Variants in EMC3 observed in about 807,000 individuals in gnomAD.
EMC3 encodes the protein ER membrane protein complex subunit 3.
A neutral mutation model predicts 36.6 loss-of-function variants in EMC3; 13 were observed. The observed-to-expected ratio is 0.35, with a 90% CI of 0.23 to 0.56. EMC3 has a LOEUF of 0.56. EMC3 is among the 20% of genes least tolerant of loss of function. EMC3 has a pLI of 0.84. For missense variants in EMC3, 220 were observed against 324.5 expected, an observed-to-expected ratio of 0.68 and a Z score of 2.47; for synonymous variants, 120 against 111.9, an observed-to-expected ratio of 1.07 and a Z score of -0.46.
At chr3:9,998,919 G>T (rs1011643417) in intron 1 of EMC3, among the ~76,000 whole-genome samples, 1 of 151,990 alleles carries the variant, frequency 6.6e-6, no homozygotes, top group Non-Finnish European at 1.5e-5. Context: ...ATGGTGCCCC[G>T]CTAATTTTTT....
At chr3:9,969,315 CAAA>C (rs2085762115) in intron 7 of EMC3, 1 of 1,109,060 alleles carries the variant, frequency 9.0e-7, no homozygotes, top group Non-Finnish European at 1.1e-6. Flanking sequence ...TTTTGTCCCA[CAAA>C]AATCATACTA....
At chr3:10,008,280 T>G (rs2086286226) in intron 1 of EMC3, 1 of 655,850 alleles carries the variant, frequency 1.5e-6, no homozygotes, top group Non-Finnish European at 2.4e-6. Context: ...GAGCTTGACA[T>G]CTCCTCTTCA....
In EMC3 at chr3:9,982,811, G is replaced by T. The variant is rs1322010726; in HGVS notation, c.155+3696C>A. Among the ~76,000 whole-genome samples, 4 of 151,722 alleles carry T rather than the reference G, an allele frequency of 2.6e-5. No homozygotes were observed. The East Asian group carries it at 5.8e-4, about 22-fold the overall frequency. On this transcript the variant is annotated intron_variant, in intron 1 of 7. Coordinates refer to ENST00000245046, the MANE Select transcript of EMC3 (RefSeq NM_001394674.1). ...CTGAGGTGGGAGGATCCTTGAGCCTGAGATGTTGAGGCTGCAGTAAGCCTT... is the reference window on the plus strand; with the variant it reads ...CTGAGGTGGGAGGATCCTTGAGCCTTAGATGTTGAGGCTGCAGTAAGCCTT...
Position 9,986,829 on chromosome 3 carries a change from T to C in EMC3, c.-168A>G, listed in dbSNP as rs1296531245. 1.4e-6 allele frequency: 2 copies of C among 1,402,380 alleles called. No individual in the cohort carries two copies. The highest frequency in any genetic ancestry group is 1.4e-5 in the African/African-American group (1 of 69,244). The allele number at this position is 1,402,380 out of a possible 1,614,324, so 86.9% of individuals were successfully genotyped here. On this transcript the variant is annotated 5_prime_UTR_variant, in exon 1 of 8. Transcript: ENST00000245046. Reference sequence around the variant, plus strand: ...GCTTACTGCCTTCAGCTGGGCTGCCTGGTCTTCCACTTCCGGCGCGAACGT... The same window carrying C: ...GCTTACTGCCTTCAGCTGGGCTGCCCGGTCTTCCACTTCCGGCGCGAACGT...
intron 7 of EMC3, among the ~76,000 whole-genome samples, chr3:9,968,174 C>T (rs1480421107): frequency 6.6e-6 from 1 of 152,248 alleles, no homozygotes; most frequent in Non-Finnish European, 1.5e-5. Flanking sequence ...CCCACCTCAG[C>T]CTCCCAAAGT....
At position 9,968,075 on chromosome 3, in the gene EMC3, C is replaced by A. The variant is rs991992264; in HGVS notation, c.657+1644G>T. ...TAGCTGGGACTACAGGCAGGCACCA[C>A]CATGCACAGCTAATTTTTGTATTTT... is the stretch of plus-strand genomic sequence containing the variant. On this transcript the variant is annotated intron_variant, in intron 7 of 7. Transcript: ENST00000245046. 3.3e-5 allele frequency among the ~76,000 whole-genome samples: 5 copies of A among 152,228 alleles called. No individual in the cohort carries two copies. The South Asian group carries it at 1.0e-3, about 32-fold the overall frequency.
At chr3:10,003,346 C>A (rs13066757) in intron 1 of EMC3, 75,957 of 381,948 alleles carry the variant, frequency 0.2, 8,334 homozygotes, top group African/African-American at 0.32. Flanking sequence ...AATGTTTTTG[C>A]CTGTGTCCAC....
At chr3:10,007,877 G>T (rs1293727617) in intron 1 of EMC3, among the ~76,000 whole-genome samples, 5 of 152,130 alleles carry the variant, frequency 3.3e-5, no homozygotes. Context: ...TGGTGGCCAG[G>T]GTCAGTCCTG....
chr3:9,986,385 C>T lies in EMC3; in HGVS notation c.155+122G>A. On this transcript the variant is annotated intron_variant, in intron 1 of 7. Coordinates refer to ENST00000245046, the MANE Select transcript of EMC3 (RefSeq NM_001394674.1). ...GGACAAAAGTGAAACACAGAGGTAACGGGTAAGGTCACCCTGTCAGAGGGG... is the reference window on the plus strand; with the variant it reads ...GGACAAAAGTGAAACACAGAGGTAATGGGTAAGGTCACCCTGTCAGAGGGG... The T allele has an allele frequency of 2.7e-6, 3 of 1,116,746 alleles. No individual in the cohort carries two copies. In the South Asian group the frequency reaches 4.2e-5, roughly 16 times the overall value. The allele number at this position is 1,116,746 out of a possible 1,614,324, so 69.2% of individuals were successfully genotyped here. A position where few individuals can be genotyped will look rare whatever the true frequency, so the allele number is the denominator to read the frequency against.
intron 1 of EMC3, chr3:9,994,275 C>G: frequency 4.2e-6 from 5 of 1,198,450 alleles, no homozygotes; most frequent in Non-Finnish European, 4.9e-6. Flanking sequence ...ATTTGGCAGT[C>G]TCCTATACAA....
At chr3:9,999,029 G>A (rs1203834537) in intron 1 of EMC3, among the ~76,000 whole-genome samples, 2 of 152,144 alleles carry the variant, frequency 1.3e-5, no homozygotes, top group Admixed American at 6.5e-5. Context: ...AAGTGCTGGT[G>A]TTACAGGCAC....
At chr3:10,008,717 AGCCACTTCCCAGTACTCT>A (rs1559361924) in intron 1 of EMC3, 2 of 344,182 alleles carry the variant, frequency 5.8e-6, no homozygotes, top group African/African-American at 4.3e-5. Context: ...GCACCCACAT[AGCCACTTCCCAGTACTCT>A]GCTTTGTCCC....
At chr3:9,978,606 C>A (rs1466891605) in intron 1 of EMC3, among the ~76,000 whole-genome samples, 4 of 151,936 alleles carry the variant, frequency 2.6e-5, no homozygotes, top group Non-Finnish European at 5.9e-5. Flanking sequence ...CCGAGGTGGG[C>A]GGATCACGAG....
chr3:9,990,325 C>CTTTTTTTTTTTTTTT (rs4020037), upstream of EMC3, among the ~76,000 whole-genome samples: 1 of 88,706 alleles, frequency 1.1e-5, no homozygotes, highest in African/African-American at 5.8e-5. Flanking sequence ...GGGCCTTTCT[C>CTTTTTTTTTTTTTTT]TTTTTTTTTT....
upstream of EMC3, among the ~76,000 whole-genome samples, chr3:9,987,617 A>T (rs1245205522): frequency 6.6e-6 from 1 of 152,186 alleles, no homozygotes; most frequent in African/African-American, 2.4e-5. Flanking sequence ...TAATCCGGAT[A>T]GCATTGAGAA....
chr3:9,968,364 G>A (rs1330092139), intron 7 of EMC3, among the ~76,000 whole-genome samples: 1 of 152,154 alleles, frequency 6.6e-6, no homozygotes, highest in African/African-American at 2.4e-5. Flanking sequence ...TATTAGCTCT[G>A]TTAGTTTTCT....
At chr3:9,967,455 T>C (rs1287616102) in intron 7 of EMC3, among the ~76,000 whole-genome samples, 1 of 152,188 alleles carries the variant, frequency 6.6e-6, no homozygotes, top group Non-Finnish European at 1.5e-5. Context: ...GCACCATTCG[T>C]TGAATGGAGA....
intron 1 of EMC3, among the ~76,000 whole-genome samples, chr3:9,993,241 G>C (rs13075308): frequency 0.24 from 34,286 of 142,170 alleles, 4,476 homozygotes; most frequent in African/African-American, 0.38. Context: ...ATAGGACCAG[G>C]CTGTAGAAAC....
At position 9,962,794 on chromosome 3, in the gene EMC3, C is replaced by T. The variant is rs1194223859; in HGVS notation, c.*1275G>A. On this transcript the variant is annotated 3_prime_UTR_variant, in exon 8 of 8. Transcript: ENST00000245046. Reference sequence around the variant, plus strand: ...GGTACAGAAATGGCACCGTCACTTCCCTGGGACCTTTAATCCAGACAGAAT... The same window carrying T: ...GGTACAGAAATGGCACCGTCACTTCTCTGGGACCTTTAATCCAGACAGAAT... 6.6e-6 allele frequency: 1 copy of T among 152,390 alleles called. No homozygotes were observed. Among genetic ancestry groups the T allele is most frequent in the Non-Finnish European group, 1.5e-5 (1 of 68,042 alleles). The allele number at this position is 152,390 out of a possible 1,614,324, so 9.4% of individuals were successfully genotyped here.
Sources: allele counts gnomAD v4.1 joint callset (sites outside exome capture counted in the v4.1 genomes callset), GRCh38; gene constraint gnomAD v4.1.1; transcripts MANE v1.5; gene names NCBI Gene and HGNC (gene_info 2026-07-23, HGNC 2026-07-21).